Variants in BTBD3 observed in about 807,000 individuals in gnomAD.
BTBD3 encodes BTB domain containing 3, also known as BTB/POZ domain-containing protein 3.
A neutral mutation model predicts 41.6 loss-of-function variants in BTBD3; 14 were observed. The observed-to-expected ratio is 0.34, with a 90% CI of 0.22 to 0.53. The LOEUF (loss-of-function observed/expected upper bound fraction) is 0.53. Among genes scored for constraint, BTBD3 ranks in the 20% least tolerant of loss-of-function variants. BTBD3 has a pLI of 0.95. For missense variants in BTBD3, 426 were observed against 654.7 expected (o/e 0.65, Z 3.81); for synonymous variants, 249 against 233.7 (o/e 1.07, Z -0.60).
chr20:11,892,432 C>G (rs2056760894), intron 1 of BTBD3: 1 of 152,136 alleles, frequency 6.6e-6, no homozygotes, highest in Non-Finnish European at 1.5e-5. Flanking sequence ...CCCATAGCAA[C>G]GAGTCCTCCA....
chr20:11,919,509 G>T, intron 2 of BTBD3: 1 of 1,214,422 alleles, frequency 8.2e-7, no homozygotes, highest in Non-Finnish European at 1.1e-6. Flanking sequence ...GGGGACATGT[G>T]CATTAATCTC....
chr20:11,894,987 A>G (rs145599947), intron 1 of BTBD3, among the ~76,000 whole-genome samples: 1,757 of 152,356 alleles, frequency 0.012, 23 homozygotes, highest in African/African-American at 0.04. Flanking sequence ...AATATGTTAG[A>G]TCTTTTTACA....
chr20:11,921,796 C>A (rs1172133651), intron 3 of BTBD3: 1 of 152,082 alleles, frequency 6.6e-6, no homozygotes, highest in East Asian at 1.9e-4. Context: ...AAGGAAAACT[C>A]AAGATAAAGT....
intron 1 of BTBD3, among the ~76,000 whole-genome samples, chr20:11,908,321 G>GTTTTTTTTTTTTTTT (rs3834758): frequency 1.2e-4 from 9 of 77,072 alleles, no homozygotes; most frequent in Admixed American, 3.5e-4. Context: ...CTTCTCTGTG[G>GTTTTTTTTTTTTTTT]TTTTTTTTTT....
At chr20:11,919,222 A>C (rs1272242789) in intron 2 of BTBD3, 46 bp downstream of exon 2, 1 of 1,553,870 alleles carries the variant, frequency 6.4e-7, no homozygotes, top group African/African-American at 1.4e-5. Flanking sequence ...GTTTACAAAG[A>C]GGGACCCTTT....
At chr20:11,894,230 C>T (rs1457288461) in intron 1 of BTBD3, among the ~76,000 whole-genome samples, 2 of 152,218 alleles carry the variant, frequency 1.3e-5, no homozygotes, top group Non-Finnish European at 2.9e-5. Flanking sequence ...TAAGAGTGGA[C>T]ACACAGGTGG....
At chr20:11,919,888 C>T (rs2056952747) in intron 3 of BTBD3, 52 bp downstream of exon 3, 1 of 1,466,964 alleles carries the variant, frequency 6.8e-7, no homozygotes, top group African/African-American at 1.4e-5. Context: ...GTATTTGTAC[C>T]CTGCTGGTTT....
At chr20:11,919,441 T>C in intron 2 of BTBD3, 3 of 1,409,546 alleles carry the variant, frequency 2.1e-6, no homozygotes, top group Non-Finnish European at 1.8e-6. Flanking sequence ...AAGTCGTATG[T>C]TTACCCTTCT....
At chr20:11,899,498 TTTCCATGGC>T (rs1214131360) in intron 1 of BTBD3, among the ~76,000 whole-genome samples, 1 of 152,214 alleles carries the variant, frequency 6.6e-6, no homozygotes, top group Non-Finnish European at 1.5e-5. Flanking sequence ...TTCCCTTTAT[TTTCCATGGC>T]TCCTCATGTC....
chr20:11,907,478 C>T (rs984552633), intron 1 of BTBD3, among the ~76,000 whole-genome samples: 8 of 152,222 alleles, frequency 5.3e-5, no homozygotes, highest in Non-Finnish European at 8.8e-5. Flanking sequence ...AAGTGTTGGG[C>T]TTTAACCTCC....
At chr20:11,910,908 A>G (rs1465057233) in intron 1 of BTBD3, among the ~76,000 whole-genome samples, 6 of 152,342 alleles carry the variant, frequency 3.9e-5, no homozygotes, top group African/African-American at 1.4e-4. Flanking sequence ...AGCAGTCTCA[A>G]TTGAGAATTG....
intron 3 of BTBD3, among the ~76,000 whole-genome samples, chr20:11,920,238 C>T (rs962118156): frequency 6.6e-6 from 1 of 152,148 alleles, no homozygotes; most frequent in African/African-American, 2.4e-5. Flanking sequence ...TTAAGTAACA[C>T]CAGTTGGGAG....
intron 1 of BTBD3, among the ~76,000 whole-genome samples, chr20:11,907,991 C>A (rs2056866318): frequency 1.3e-5 from 2 of 152,158 alleles, no homozygotes; most frequent in Admixed American, 1.3e-4. Flanking sequence ...TAGATGATAG[C>A]CCCTTAGGGA....
At chr20:11,891,894 C>A (rs1398602708) in intron 1 of BTBD3, among the ~76,000 whole-genome samples, 3 of 152,128 alleles carry the variant, frequency 2.0e-5, no homozygotes, top group Non-Finnish European at 4.4e-5. Flanking sequence ...TTTCCCCAAA[C>A]TTGGCTGCAC....
intron 3 of BTBD3, among the ~76,000 whole-genome samples, chr20:11,921,958 T>C (rs906463764): frequency 3.3e-5 from 5 of 152,166 alleles, no homozygotes; most frequent in Admixed American, 2.6e-4. Flanking sequence ...ATAATACATA[T>C]TTAAGCTTTC....
chr20:11,922,699 A>G lies in BTBD3; in HGVS notation c.602A>G (p.Lys201Arg). 1 of 1,614,200 alleles carries G rather than the reference A, an allele frequency of 6.2e-7. No homozygotes were observed. The highest frequency in any genetic ancestry group is 8.5e-7 in the Non-Finnish European group (1 of 1,180,042). The change falls in exon 4 of 4, where the codon AAA becomes AGA. Residue 201 changes from lysine (K) to arginine (R), a missense_variant. Coordinates refer to ENST00000378226, the MANE Select transcript of BTBD3 (RefSeq NM_014962.4). Reference sequence around the variant, plus strand: ...GTGCTGGCCACACTTTATGCTGCCAAAAAGTACATTGTCCCTCACCTTGCC... The same window carrying G: ...GTGCTGGCCACACTTTATGCTGCCAGAAAGTACATTGTCCCTCACCTTGCC... ...DTVLATLYAA[K>R]KYIVPHLARA...
In BTBD3 at chr20:11,923,660, T is replaced by C. The variant is rs750331576; in HGVS notation, c.1563T>C (p.Tyr521=). The change falls in exon 4 of 4, where the codon TAT becomes TAC. Residue 521 remains tyrosine (Y), a synonymous_variant. Coordinates refer to ENST00000378226, the MANE Select transcript of BTBD3 (RefSeq NM_014962.4). The surrounding 1 kb of genome is among the most constrained non-coding windows in gnomAD (Gnocchi z 5.3). ...QGGQIPELIF[Y]A is the part of the protein sequence containing the mutation. ...GGCAGATCCCTGAACTTATATTCTA[T>C]GCTTGAAAACTCACTTCCTGAAGCA... 1.3e-6 allele frequency: 2 copies of C among 1,591,008 alleles called. No homozygotes were observed. The highest frequency in any genetic ancestry group is 1.3e-5 in the African/African-American group (1 of 74,614).
intron 1 of BTBD3, among the ~76,000 whole-genome samples, chr20:11,891,622 T>TA (rs2056754976): frequency 6.6e-6 from 1 of 152,142 alleles, no homozygotes; most frequent in Admixed American, 6.5e-5. Flanking sequence ...CCGTTTGCTC[T>TA]AAAAATAGAC....
At chr20:11,910,423 T>C (rs1224993437) in intron 1 of BTBD3, 1 of 152,206 alleles carries the variant, frequency 6.6e-6, no homozygotes, top group Non-Finnish European at 1.5e-5. Flanking sequence ...AAGTCCTTTG[T>C]TGGAACAGCC....
Sources: allele counts gnomAD v4.1 joint callset (sites outside exome capture counted in the v4.1 genomes callset), GRCh38; gene constraint gnomAD v4.1.1; non-coding constraint Gnocchi (gnomAD v3.1); transcripts MANE v1.5; gene names NCBI Gene and HGNC (gene_info 2026-07-23, HGNC 2026-07-21).